RBMS1: variants seen among roughly 807,000 people sequenced by gnomAD.
The protein encoded by RBMS1 is RNA-binding motif, single-stranded-interacting protein 1.
In RBMS1, 17 loss-of-function variants were observed where a neutral mutation model predicts 62.3. That is an observed-to-expected ratio of 0.27 (90% CI 0.19 to 0.41). The LOEUF is 0.41. RBMS1 is among the 10% of genes least tolerant of loss of function. The pLI, the probability that RBMS1 is intolerant of heterozygous loss-of-function variation, is 1.00. For missense variants in RBMS1, 334 were observed against 504.5 expected, an observed-to-expected ratio of 0.66 and a Z score of 3.24; for synonymous variants, 172 against 170.0, an observed-to-expected ratio of 1.01 and a Z score of -0.09.
intron 2 of RBMS1, among the ~76,000 whole-genome samples, chr2:160,323,357 T>A (rs1310067519): frequency 6.6e-6 from 1 of 151,806 alleles, no homozygotes; most frequent in East Asian, 1.9e-4. Context: ...ACGCCTGTAG[T>A]CCCAGCTACT....
chr2:160,288,457 T>G (rs183238118), intron 6 of RBMS1, among the ~76,000 whole-genome samples: 1 of 152,322 alleles, frequency 6.6e-6, no homozygotes, highest in Non-Finnish European at 1.5e-5. Flanking sequence ...AAAGCCCAAC[T>G]GTAACTCCTT....
At chr2:160,466,624 TC>T (rs1272503933) in intron 1 of RBMS1, among the ~76,000 whole-genome samples, 1 of 152,204 alleles carries the variant, frequency 6.6e-6, no homozygotes, top group African/African-American at 2.4e-5. Context: ...AATCTCAAGT[TC>T]CAGAACCCAC....
intron 1 of RBMS1, among the ~76,000 whole-genome samples, chr2:160,470,890 A>G (rs1324780054): frequency 6.6e-6 from 1 of 152,212 alleles, no homozygotes; most frequent in African/African-American, 2.4e-5. Context: ...AGTTCCAAGA[A>G]TGGTCTCTCT....
chr2:160,399,525 CT>C (rs33978215), intron 1 of RBMS1, among the ~76,000 whole-genome samples: 99,805 of 149,404 alleles, frequency 0.67, 33,816 homozygotes, highest in East Asian at 0.88. Flanking sequence ...TTCCTGTATG[CT>C]TTTTTTTTTT....
chr2:160,480,055 G>A (rs1300565186), intron 1 of RBMS1, among the ~76,000 whole-genome samples: 1 of 152,104 alleles, frequency 6.6e-6, no homozygotes, highest in Non-Finnish European at 1.5e-5. Flanking sequence ...TGAGCAGCAT[G>A]TTTTATTGCT....
intron 2 of RBMS1, among the ~76,000 whole-genome samples, chr2:160,347,895 C>T (rs1334792802): frequency 6.6e-6 from 1 of 151,968 alleles, no homozygotes; most frequent in Non-Finnish European, 1.5e-5. Context: ...CTTTCATATT[C>T]ATTATTTCAA....
intron 2 of RBMS1, among the ~76,000 whole-genome samples, chr2:160,345,167 T>C (rs1488858479): frequency 6.6e-6 from 1 of 152,036 alleles, no homozygotes; most frequent in African/African-American, 2.4e-5. Flanking sequence ...CAATGCTAAG[T>C]AGAGTAACTC....
intron 3 of RBMS1, among the ~76,000 whole-genome samples, chr2:160,316,458 T>C (rs569689261): frequency 4.7e-4 from 72 of 152,330 alleles, no homozygotes; most frequent in African/African-American, 1.6e-3. Flanking sequence ...GAATTAGTCC[T>C]ACCCTTAGAA....
intron 2 of RBMS1, among the ~76,000 whole-genome samples, chr2:160,353,266 C>T (rs1692616814): frequency 6.6e-6 from 1 of 152,014 alleles, no homozygotes; most frequent in African/African-American, 2.4e-5. Flanking sequence ...TTTAAAACTA[C>T]ACTTGCTGGA....
intron 1 of RBMS1, among the ~76,000 whole-genome samples, chr2:160,456,003 G>A (rs557442540): frequency 6.6e-6 from 1 of 152,138 alleles, no homozygotes; most frequent in African/African-American, 2.4e-5. Flanking sequence ...CTTTTTATGG[G>A]CAGTGATTTA....
rs965854195 is a variant in RBMS1 at position 160,319,460 on chromosome 2, C to T, written c.252-1233G>A. Among the ~76,000 whole-genome samples, 10 of 152,154 alleles carry T rather than the reference C, an allele frequency of 6.6e-5. No individual in the cohort carries two copies. In the South Asian group the frequency reaches 1.5e-3, roughly 22 times the overall value. On this transcript the variant is annotated intron_variant, in intron 2 of 13. Coordinates refer to ENST00000348849, the MANE Select transcript of RBMS1 (RefSeq NM_016836.4). The stretch of plus-strand genomic sequence containing the variant: ...CGGGGAGGCGGAGATTGCAGTGAGC[C>T]GAGATTGCACCACTGCACTCCACCC...
At chr2:160,311,224 C>CTATA (rs1553505400) in intron 4 of RBMS1, among the ~76,000 whole-genome samples, 140 of 56,580 alleles carry the variant, frequency 2.5e-3, no homozygotes, top group Middle Eastern at 8.9e-3. Flanking sequence ...ATCTATCTAT[C>CTATA]TATCTATCTA....
At chr2:160,375,190 T>G (rs969094431) in intron 1 of RBMS1, among the ~76,000 whole-genome samples, 3 of 152,192 alleles carry the variant, frequency 2.0e-5, no homozygotes, top group African/African-American at 7.2e-5. Flanking sequence ...TTAGTACTCT[T>G]GTCTGTCTGC....
chr2:160,426,297 A>AGAAGGAAGGAAGGAAG (rs565449663), intron 1 of RBMS1, among the ~76,000 whole-genome samples: 9 of 56,100 alleles, frequency 1.6e-4, no homozygotes, highest in Admixed American at 1.4e-3. Flanking sequence ...AAGAAAAGAA[A>AGAAGGAAGGAAGGAAG]GAAGGAAGGA....
intron 1 of RBMS1, among the ~76,000 whole-genome samples, chr2:160,421,855 T>C (rs1202683108): frequency 1.3e-5 from 2 of 152,258 alleles, no homozygotes; most frequent in Non-Finnish European, 2.9e-5. Flanking sequence ...TGGTGTGAGA[T>C]GGTATCTCAT....
intron 1 of RBMS1, chr2:160,407,558 G>A (rs1258045000): frequency 2.0e-6 from 2 of 983,680 alleles, no homozygotes; most frequent in East Asian, 2.3e-4. Flanking sequence ...CGGCGGGTGC[G>A]GGCGCGGGCG....
chr2:160,306,100 G>A (rs2105956003), intron 4 of RBMS1, among the ~76,000 whole-genome samples: 1 of 151,736 alleles, frequency 6.6e-6, no homozygotes, highest in African/African-American at 2.4e-5. Flanking sequence ...CTGCATTCCA[G>A]CCTGGGCAAG....
At chr2:160,406,062 G>A (rs1695687902) in intron 1 of RBMS1, among the ~76,000 whole-genome samples, 1 of 152,094 alleles carries the variant, frequency 6.6e-6, no homozygotes, top group Admixed American at 6.5e-5. Flanking sequence ...GACTATCTTA[G>A]CATATCCTTC....
intron 6 of RBMS1, among the ~76,000 whole-genome samples, chr2:160,292,483 C>T (rs1026060092): frequency 6.6e-6 from 1 of 152,124 alleles, no homozygotes; most frequent in Admixed American, 6.5e-5. Context: ...TGGGGACTGG[C>T]CTGTTATCCA....
Sources: gnomAD v4.1 joint callset for allele counts (sites outside exome capture counted in the v4.1 genomes callset) on GRCh38, gnomAD v4.1.1 for gene constraint, MANE v1.5 for transcripts, NCBI Gene and HGNC (gene_info 2026-07-23, HGNC 2026-07-21) for gene names.